TEX36: variants seen among roughly 807,000 people sequenced by gnomAD.
TEX36 encodes testis-expressed protein 36.
TEX36 carries 12 observed loss-of-function variants against 13.6 expected under a neutral mutation model. That is an observed-to-expected ratio of 0.88 (90% CI 0.56 to 1.43). The LOEUF is 1.43. TEX36 is among the 40% of genes most tolerant of loss of function. The pLI is 0.00. For synonymous variants in TEX36, 93 were observed against 83.0 expected, an observed-to-expected ratio of 1.12 and a Z score of -0.65; for missense variants, 224 against 228.3, an observed-to-expected ratio of 0.98 and a Z score of 0.12.
chr10:125,653,521 A>C (rs1169336045), downstream of TEX36, among the ~76,000 whole-genome samples: 2 of 151,804 alleles, frequency 1.3e-5, no homozygotes, highest in African/African-American at 4.8e-5. Context: ...TAGCATTAGG[A>C]GATATACCTA....
At chr10:125,598,300 G>A (rs1006673448) in intron 3 of TEX36, among the ~76,000 whole-genome samples, 6 of 152,190 alleles carry the variant, frequency 3.9e-5, no homozygotes, top group Admixed American at 2.0e-4. Flanking sequence ...TCACCACAAC[G>A]CTTCAGGGTA....
intron 3 of TEX36, among the ~76,000 whole-genome samples, chr10:125,590,911 G>T (rs998122570): frequency 2.6e-5 from 4 of 152,136 alleles, no homozygotes; most frequent in African/African-American, 9.7e-5. Context: ...TTGTTCTGTT[G>T]CACAGTTTAA....
At chr10:125,604,027 G>A (rs767034663) in intron 3 of TEX36, among the ~76,000 whole-genome samples, 5 of 152,222 alleles carry the variant, frequency 3.3e-5, no homozygotes, top group Non-Finnish European at 7.3e-5. Flanking sequence ...GAAAGTGCTT[G>A]CTGGTGAGCA....
intron 3 of TEX36, among the ~76,000 whole-genome samples, chr10:125,582,530 C>A (rs559443650): frequency 6.6e-6 from 1 of 152,270 alleles, no homozygotes; most frequent in Non-Finnish European, 1.5e-5. Flanking sequence ...CCTACAGATC[C>A]AAAGTGGTGG....
At chr10:125,597,269 C>G (rs528393760) in intron 3 of TEX36, among the ~76,000 whole-genome samples, 1 of 152,272 alleles carries the variant, frequency 6.6e-6, no homozygotes, top group South Asian at 2.1e-4. Flanking sequence ...ATTCTTTGTT[C>G]CACCCATTGG....
chr10:125,584,142 G>A (rs1248611402), intron 3 of TEX36, among the ~76,000 whole-genome samples: 2 of 152,232 alleles, frequency 1.3e-5, no homozygotes, highest in Admixed American at 6.5e-5. Context: ...TGCCTGCCAT[G>A]TTATGAGTCT....
intron 1 of TEX36, chr10:125,667,570 C>A (rs1847143799): frequency 4.1e-6 from 3 of 737,978 alleles, no homozygotes; most frequent in African/African-American, 3.4e-5. Context: ...GCCCATACAA[C>A]CCTTGGGTGG....
At chr10:125,663,096 G>A (rs2133597858) in intron 1 of TEX36, among the ~76,000 whole-genome samples, 1 of 152,306 alleles carries the variant, frequency 6.6e-6, no homozygotes, top group Non-Finnish European at 1.5e-5. Flanking sequence ...TCCACCCCAG[G>A]TCTCTCTCCT....
In TEX36 at chr10:125,679,503, CTGTT is replaced by C. The variant is rs147601818; in HGVS notation, c.51+3432_51+3435del. ...TCCCACAGTTTCCGGGAGACTCTCT[CTGTT>C]AGTTTCAGGGAGAGAAGGGTCGAGA... On this transcript the variant is annotated intron_variant, in intron 1 of 3. Transcript: ENST00000368821. 6.9e-3 allele frequency among the ~76,000 whole-genome samples: 1,046 copies of C among 152,312 alleles called. 42 individuals carry two copies. In the East Asian group the frequency reaches 0.088, roughly 13 times the overall value.
chr10:125,601,414 G>C lies in TEX36; in HGVS notation c.265-24540C>G, dbSNP rs561188797. Among the ~76,000 whole-genome samples the C allele has an allele frequency of 2.6e-5, 4 of 152,222 alleles. No homozygotes were observed. The East Asian group carries it at 7.7e-4, about 29-fold the overall frequency. On this transcript the variant is annotated intron_variant, in intron 3 of 3. Coordinates refer to the TEX36 transcript ENST00000532135. ...AACCTTTTAGCCATATAGCCCCAAA[G>C]GTGGTTAGCTAAGGAAACAGATGAT...
chr10:125,642,441 C>G (rs1467733324), intron 3 of TEX36, among the ~76,000 whole-genome samples: 1 of 152,098 alleles, frequency 6.6e-6, no homozygotes, highest in African/African-American at 2.4e-5. Context: ...CCAAGTTTCC[C>G]TCAGAAAAAG....
At position 125,576,559 on chromosome 10, in the gene TEX36, G is replaced by A. The variant is rs190754590; in HGVS notation, c.*190C>T. The A allele has an allele frequency of 7.4e-5, 55 of 740,906 alleles. 1 individual carries two copies. The highest frequency in any genetic ancestry group is 8.1e-4 in the Middle Eastern group (2 of 2,464). 45.9% of individuals were successfully genotyped at this position (740,906 alleles called of 1,614,324 possible). On this transcript the variant is annotated 3_prime_UTR_variant, in exon 4 of 4. Transcript: ENST00000532135. ...GGGAGATAGCCCTATTAATACCTGC[G>A]CCCACACAGGCAAGCAGAATAAGAG...
downstream of TEX36, among the ~76,000 whole-genome samples, chr10:125,651,451 T>C (rs969851801): frequency 1.4e-4 from 21 of 152,340 alleles, no homozygotes; most frequent in East Asian, 2.1e-3. Context: ...CAACAGCCCT[T>C]CATGCTAAAA....
chr10:125,653,250 A>G (rs571932292), downstream of TEX36, among the ~76,000 whole-genome samples: 193 of 152,286 alleles, frequency 1.3e-3, 1 homozygote, highest in African/African-American at 4.4e-3. Flanking sequence ...ATGTCCATCA[A>G]TGACAGACTG....
chr10:125,665,671 A>T (rs1490709870), intron 1 of TEX36, among the ~76,000 whole-genome samples: 2 of 152,116 alleles, frequency 1.3e-5, no homozygotes, highest in Non-Finnish European at 2.9e-5. Flanking sequence ...TTTGCTCAAG[A>T]TTCCTTTGGT....
intron 1 of TEX36, among the ~76,000 whole-genome samples, chr10:125,681,580 T>C (rs1589794162): frequency 6.6e-6 from 1 of 152,242 alleles, no homozygotes; most frequent in Admixed American, 6.5e-5. Context: ...GTCTATGTTA[T>C]ATGTGTTCTC....
At chr10:125,661,188 G>A in intron 2 of TEX36, 87 bp from the exon 3 acceptor site, 1 of 1,096,822 alleles carries the variant, frequency 9.1e-7, no homozygotes, top group East Asian at 2.6e-5. Flanking sequence ...GAAGGAAGAT[G>A]GATGAGGCAA....
At chr10:125,668,207 T>C (rs1445925565) in intron 1 of TEX36, among the ~76,000 whole-genome samples, 1 of 152,228 alleles carries the variant, frequency 6.6e-6, no homozygotes, top group Admixed American at 6.5e-5. Flanking sequence ...AATTCCCTCC[T>C]CTTTAATATT....
chr10:125,599,371 C>T (rs1846118705), intron 3 of TEX36, among the ~76,000 whole-genome samples: 1 of 152,192 alleles, frequency 6.6e-6, no homozygotes, highest in Non-Finnish European at 1.5e-5. Flanking sequence ...GCCCTGGGGG[C>T]AGTGTCCTGT....
Sources: gnomAD v4.1 joint callset for allele counts (sites outside exome capture counted in the v4.1 genomes callset) on GRCh38, gnomAD v4.1.1 for gene constraint, MANE v1.5 for transcripts, NCBI Gene and HGNC (gene_info 2026-07-23, HGNC 2026-07-21) for gene names.